TFCP2: variants seen among roughly 807,000 people sequenced by gnomAD.
TFCP2 encodes the protein transcription factor CP2, also known as alpha-globin transcription factor CP2.
Under a neutral mutation model 73.4 loss-of-function variants are expected in TFCP2, and 33 were observed. The observed-to-expected ratio is 0.45, with a 90% CI of 0.34 to 0.60. The LOEUF is 0.60. Ranked by LOEUF, TFCP2 falls within the 20% of genes least tolerant of loss-of-function variation. The pLI is 0.01. For synonymous variants in TFCP2, 193 were observed against 211.6 expected (o/e 0.91, Z 0.76); for missense variants, 352 against 604.0 (o/e 0.58, Z 4.37).
intron 1 of TFCP2, among the ~76,000 whole-genome samples, chr12:51,126,003 G>A (rs1205124178): frequency 6.6e-6 from 1 of 152,086 alleles, no homozygotes; most frequent in East Asian, 1.9e-4. Context: ...GGCTGAGGCA[G>A]GTGGATCACG....
chr12:51,104,678 T>C (rs1940186143), intron 8 of TFCP2, among the ~76,000 whole-genome samples: 1 of 152,004 alleles, frequency 6.6e-6, no homozygotes, highest in African/African-American at 2.4e-5. Context: ...ATTTATGCAA[T>C]GCAATATCAT....
At chr12:51,136,184 C>G (rs893076505) in intron 1 of TFCP2, among the ~76,000 whole-genome samples, 3 of 151,804 alleles carry the variant, frequency 2.0e-5, no homozygotes, top group African/African-American at 7.3e-5. Flanking sequence ...TGGCAGGTGC[C>G]TGTAGTCCCA....
At chr12:51,139,854 C>A (rs568951500) in intron 1 of TFCP2, among the ~76,000 whole-genome samples, 49 of 152,264 alleles carry the variant, frequency 3.2e-4, no homozygotes, top group African/African-American at 1.1e-3. Context: ...TTGTCTCCTC[C>A]TCACCATTTT....
At chr12:51,151,330 T>C (rs1941419282) in intron 1 of TFCP2, among the ~76,000 whole-genome samples, 1 of 152,168 alleles carries the variant, frequency 6.6e-6, no homozygotes, top group African/African-American at 2.4e-5. Context: ...GATGAACATT[T>C]TAAAGAAAGT....
At chr12:51,133,330 C>T (rs7960381) in intron 1 of TFCP2, among the ~76,000 whole-genome samples, 26,192 of 150,968 alleles carry the variant, frequency 0.17, 2,526 homozygotes, top group South Asian at 0.29. Context: ...TTTTTTCAGA[C>T]GGTCTTGCTC....
At chr12:51,121,373 C>T (rs1255448714) in intron 1 of TFCP2, among the ~76,000 whole-genome samples, 4 of 148,732 alleles carry the variant, frequency 2.7e-5, no homozygotes. Context: ...GAGCCAAGAT[C>T]GTACCACTGC....
chr12:51,159,729 C>T (rs1941610865), intron 1 of TFCP2, among the ~76,000 whole-genome samples: 1 of 152,020 alleles, frequency 6.6e-6, no homozygotes, highest in African/African-American at 2.4e-5. Context: ...CTCAAGCAAT[C>T]CTCTCGCCTC....
intron 7 of TFCP2, 34 bp downstream of exon 7, chr12:51,107,202 G>T: frequency 6.6e-7 from 1 of 1,521,530 alleles, no homozygotes; most frequent in South Asian, 1.2e-5. Context: ...TAAAAATTAT[G>T]AACTGAAATT....
chr12:51,142,625 T>C (rs1032803995), intron 1 of TFCP2, among the ~76,000 whole-genome samples: 6 of 152,272 alleles, frequency 3.9e-5, no homozygotes, highest in African/African-American at 1.4e-4. Flanking sequence ...ATTATCCCAA[T>C]ACATGTACCA....
intron 4 of TFCP2, among the ~76,000 whole-genome samples, chr12:51,113,912 A>T (rs1940457985): frequency 6.6e-6 from 1 of 152,144 alleles, no homozygotes; most frequent in Admixed American, 6.5e-5. Context: ...CCTTTTTTGT[A>T]TATGGTTGTA....
intron 4 of TFCP2, among the ~76,000 whole-genome samples, 186 bp downstream of exon 4, chr12:51,116,129 C>A (rs564502216): frequency 2.6e-5 from 4 of 152,288 alleles, no homozygotes; most frequent in African/African-American, 9.6e-5. Context: ...TTTACACTTC[C>A]AACTTCAATT....
At chr12:51,109,907 C>T (rs1329489167) in intron 5 of TFCP2, among the ~76,000 whole-genome samples, 1 of 151,936 alleles carries the variant, frequency 6.6e-6, no homozygotes, top group Non-Finnish European at 1.5e-5. Flanking sequence ...TTAGTAGAGA[C>T]AGGTTTTCGC....
At chr12:51,126,048 G>A (rs1940808135) in intron 1 of TFCP2, among the ~76,000 whole-genome samples, 1 of 151,914 alleles carries the variant, frequency 6.6e-6, no homozygotes, top group Non-Finnish European at 1.5e-5. Flanking sequence ...GGCTAACATG[G>A]TGAAACCCCA....
intron 1 of TFCP2, among the ~76,000 whole-genome samples, chr12:51,163,772 TA>T (rs1481659406): frequency 6.7e-6 from 1 of 149,020 alleles, no homozygotes; most frequent in Non-Finnish European, 1.5e-5. Context: ...AAAATAAAAA[TA>T]AAAACAGAGA....
chr12:51,126,445 A>G (rs1940821616), intron 1 of TFCP2, among the ~76,000 whole-genome samples: 1 of 152,068 alleles, frequency 6.6e-6, no homozygotes. Context: ...GAGCTGCTTC[A>G]TGGTCCCCCG....
intron 1 of TFCP2, among the ~76,000 whole-genome samples, chr12:51,160,222 G>A (rs1286937607): frequency 7.0e-6 from 1 of 143,416 alleles, no homozygotes; most frequent in East Asian, 2.1e-4. Context: ...TGCAACCTCC[G>A]CCTCCAGGGT....
chr12:51,164,496 C>A (rs545344194), intron 1 of TFCP2, among the ~76,000 whole-genome samples: 19 of 151,018 alleles, frequency 1.3e-4, no homozygotes, highest in Non-Finnish European at 2.8e-4. Context: ...ACTGGAGAGG[C>A]TGAGGCAGGA....
intron 1 of TFCP2, chr12:51,162,999 C>T (rs966224728): frequency 2.0e-5 from 3 of 152,094 alleles, no homozygotes; most frequent in African/African-American, 7.2e-5. Flanking sequence ...TGAAGCATTC[C>T]ATATTTTAAA....
At chr12:51,159,441 C>T (rs1292750914) in intron 1 of TFCP2, among the ~76,000 whole-genome samples, 2 of 151,738 alleles carry the variant, frequency 1.3e-5, no homozygotes, top group Non-Finnish European at 2.9e-5. Context: ...CAGGTTCAAG[C>T]GATTCTCATG....
Sources: gnomAD v4.1 joint callset for allele counts (sites outside exome capture counted in the v4.1 genomes callset) on GRCh38, gnomAD v4.1.1 for gene constraint, MANE v1.5 for transcripts, NCBI Gene and HGNC (gene_info 2026-07-23, HGNC 2026-07-21) for gene names.